GLIS3: variants seen among roughly 807,000 people sequenced by gnomAD.
GLIS3 encodes GLIS family zinc finger 3, also known as zinc finger protein GLIS3.
GLIS3 carries 53 observed loss-of-function variants against 78.6 expected under a neutral mutation model. The observed-to-expected ratio is 0.67, with a 90% CI of 0.54 to 0.85. The LOEUF is 0.85. Among genes scored for constraint, GLIS3 ranks in the 40% least tolerant of loss-of-function variants. The pLI is 0.00. For synonymous variants in GLIS3, 684 were observed against 509.9 expected, an observed-to-expected ratio of 1.34 and a Z score of -4.60; for missense variants, 1,703 against 1,231.1, an observed-to-expected ratio of 1.38 and a Z score of -5.74.
intron 9 of GLIS3, among the ~76,000 whole-genome samples, chr9:3,839,093 A>T: frequency 6.6e-6 from 1 of 152,156 alleles, no homozygotes; most frequent in African/African-American, 2.4e-5. Flanking sequence ...ATTTCTTCTT[A>T]AGTAGCCTTC....
intron 4 of GLIS3, among the ~76,000 whole-genome samples, chr9:3,960,896 T>C (rs1215403326): frequency 6.6e-6 from 1 of 152,096 alleles, no homozygotes; most frequent in Non-Finnish European, 1.5e-5. Flanking sequence ...TTGATTGAAA[T>C]ATAGCCTGCT....
chr9:4,145,832 T>C (rs1048813070), intron 2 of GLIS3, among the ~76,000 whole-genome samples: 4 of 151,888 alleles, frequency 2.6e-5, no homozygotes, highest in African/African-American at 9.7e-5. Flanking sequence ...AGTAATCTTC[T>C]CTGGGAAGTG....
Position 4,248,138 on chromosome 9 carries a change from T to C in GLIS3, c.388+37900A>G, listed in dbSNP as rs145500238. On this transcript the variant is annotated intron_variant, in intron 2 of 10. Coordinates refer to ENST00000381971, the MANE Select transcript of GLIS3 (RefSeq NM_001042413.2). ...AGTTCTGGGATGCATGTGCAGAACG[T>C]CCAGGCTTGTTACATAGGTATGCAC... Among the ~76,000 whole-genome samples the C allele has an allele frequency of 1.4e-3, 213 of 152,326 alleles. 1 individual carries two copies. The East Asian group carries it at 0.023, about 16-fold the overall frequency.
At chr9:4,252,876 G>T (rs966809055) in intron 2 of GLIS3, among the ~76,000 whole-genome samples, 8 of 152,200 alleles carry the variant, frequency 5.3e-5, no homozygotes, top group Admixed American at 5.2e-4. Context: ...CCCCTCTGCT[G>T]CAGGTCTGCT....
chr9:4,270,480 G>C (rs1026820456), intron 2 of GLIS3, among the ~76,000 whole-genome samples: 5 of 152,134 alleles, frequency 3.3e-5, no homozygotes, highest in African/African-American at 1.2e-4. Context: ...CCCATCTGAA[G>C]GCTCAAACGG....
chr9:4,118,918 T>C lies in GLIS3; in HGVS notation c.597-37A>G. 6.3e-7 allele frequency: 1 copy of C among 1,587,946 alleles called. No homozygotes were observed. The highest frequency in any genetic ancestry group is 1.7e-4 in the Middle Eastern group (1 of 6,040). On this transcript the variant is annotated intron_variant, in intron 3 of 10. Coordinates refer to ENST00000381971, the MANE Select transcript of GLIS3 (RefSeq NM_001042413.2). This position sits in a 1 kb window ranked among gnomAD's most constrained non-coding sequence, Gnocchi z 4.7. ...GCCAGAAAGGAAGAAAAAAAAAAGATAAACATTTTAGCAGGATACGGATTG... is the reference window on the plus strand; with the variant it reads ...GCCAGAAAGGAAGAAAAAAAAAAGACAAACATTTTAGCAGGATACGGATTG...
intron 2 of GLIS3, among the ~76,000 whole-genome samples, chr9:4,254,593 A>T (rs1342490298): frequency 1.3e-5 from 2 of 152,160 alleles, no homozygotes. Context: ...TAATCCCAGC[A>T]CTTTGGGAGG....
At chr9:3,846,340 A>G (rs1324893633) in intron 9 of GLIS3, among the ~76,000 whole-genome samples, 1 of 152,180 alleles carries the variant, frequency 6.6e-6, no homozygotes, top group Non-Finnish European at 1.5e-5. Context: ...GATACTCACT[A>G]GGTATATGAG....
chr9:4,049,763 C>G (rs1226310980), intron 4 of GLIS3, among the ~76,000 whole-genome samples: 2 of 152,036 alleles, frequency 1.3e-5, no homozygotes, highest in Non-Finnish European at 2.9e-5. Context: ...AAAAAACAAA[C>G]AACCCCATCA....
At chr9:3,916,116 C>T (rs1312823952) in intron 6 of GLIS3, among the ~76,000 whole-genome samples, 2 of 152,216 alleles carry the variant, frequency 1.3e-5, no homozygotes, top group Non-Finnish European at 2.9e-5. Context: ...TGCTGTTTTA[C>T]TGTCCATAGA....
chr9:3,887,837 T>C (rs1822179855), intron 7 of GLIS3, among the ~76,000 whole-genome samples: 1 of 152,192 alleles, frequency 6.6e-6, no homozygotes, highest in Non-Finnish European at 1.5e-5. Flanking sequence ...TTGTTACCAG[T>C]AGAATGGCAT....
At chr9:4,246,869 G>T (rs1344580709) in intron 2 of GLIS3, among the ~76,000 whole-genome samples, 1 of 152,060 alleles carries the variant, frequency 6.6e-6, no homozygotes, top group Non-Finnish European at 1.5e-5. Context: ...AATGAATATT[G>T]TCCAATGAGA....
In GLIS3 at chr9:4,118,169, G is replaced by C. The variant is rs769437345; in HGVS notation, c.1309C>G (p.Pro437Ala). Residue 437 changes from proline to alanine, a missense_variant, in exon 4 of 11, where the codon CCG (proline) becomes GCG (alanine). By Grantham distance (27) the Pro-to-Ala change is conservative. Transcript: ENST00000381971. The surrounding 1 kb of genome is among the most constrained non-coding windows in gnomAD (Gnocchi z 4.7). ...LFKTERLEEF[P>A]GSTVDLPPAP... ...GGGGGTAGGTCTACGGTGCTGCCCGGGAACTCCTCCAGGCGTTCGGTCTTG... is the reference window on the plus strand; with the variant it reads ...GGGGGTAGGTCTACGGTGCTGCCCGCGAACTCCTCCAGGCGTTCGGTCTTG... 1.3e-6 allele frequency: 2 copies of C among 1,567,772 alleles called. No homozygotes were observed.
At chr9:4,449,163 T>C in the GLIS3 span, among the ~76,000 whole-genome samples, 6 of 152,262 alleles carry the variant, frequency 3.9e-5, no homozygotes, top group East Asian at 1.2e-3. Flanking sequence ...CACCAGGAGA[T>C]TATATACCAT....
At chr9:4,487,471 C>G in the GLIS3 span, among the ~76,000 whole-genome samples, 1 of 151,918 alleles carries the variant, frequency 6.6e-6, no homozygotes, top group Non-Finnish European at 1.5e-5. Flanking sequence ...AGCCAGGTGC[C>G]CAAGGTCACC....
chr9:4,152,492 T>C (rs924157178), intron 2 of GLIS3, among the ~76,000 whole-genome samples: 1 of 152,228 alleles, frequency 6.6e-6, no homozygotes, highest in Non-Finnish European at 1.5e-5. Context: ...ACACAAATTA[T>C]GTGACATGAA....
chr9:3,914,836 G>A (rs630219), intron 6 of GLIS3, among the ~76,000 whole-genome samples: 125,926 of 152,158 alleles, frequency 0.83, 52,298 homozygotes, highest in Non-Finnish European at 0.87. Context: ...AAACCTGATC[G>A]CACTGGCCCT....
At chr9:4,226,833 T>C (rs865932615) in intron 2 of GLIS3, among the ~76,000 whole-genome samples, 2 of 152,236 alleles carry the variant, frequency 1.3e-5, no homozygotes, top group African/African-American at 4.8e-5. Context: ...GTTATCTGTT[T>C]ACACCATGGC....
At chr9:4,229,595 T>C (rs1822079747) in intron 2 of GLIS3, among the ~76,000 whole-genome samples, 1 of 152,232 alleles carries the variant, frequency 6.6e-6, no homozygotes, top group African/African-American at 2.4e-5. Flanking sequence ...TTTCTGGTTC[T>C]CTGGATTTAT....
Sources: allele counts gnomAD v4.1 joint callset (sites outside exome capture counted in the v4.1 genomes callset), GRCh38; gene constraint gnomAD v4.1.1; non-coding constraint Gnocchi (gnomAD v3.1); transcripts MANE v1.5; gene names NCBI Gene and HGNC (gene_info 2026-07-23, HGNC 2026-07-21).